Variants in DNM1L observed in about 807,000 individuals in gnomAD.
DNM1L encodes the protein dynamin 1L, also known as dynamin-1-like protein.
Under a neutral mutation model 92.8 loss-of-function variants are expected in DNM1L, and 33 were observed. The ratio of observed to expected loss-of-function variants is 0.36; its 90% confidence interval spans 0.27 to 0.48. The LOEUF is 0.48. DNM1L is among the 20% of genes least tolerant of loss of function. DNM1L has a pLI of 0.99. For missense variants in DNM1L, 485 were observed against 888.8 expected (o/e 0.55, Z 5.78); for synonymous variants, 284 against 305.0 (o/e 0.93, Z 0.72).
At chr12:32,696,400 A>T (rs945711189) in intron 1 of DNM1L, among the ~76,000 whole-genome samples, 5 of 150,628 alleles carry the variant, frequency 3.3e-5, no homozygotes, top group African/African-American at 7.3e-5. Context: ...ACACACACAC[A>T]CACACACACA....
intron 1 of DNM1L, among the ~76,000 whole-genome samples, chr12:32,693,581 A>C (rs1952314358): frequency 6.8e-6 from 1 of 147,844 alleles, no homozygotes. Flanking sequence ...ACAATGTGTA[A>C]TTCAGTGTTT....
chr12:32,697,821 T>C (rs1952530975), intron 1 of DNM1L, among the ~76,000 whole-genome samples: 1 of 151,858 alleles, frequency 6.6e-6, no homozygotes, highest in African/African-American at 2.4e-5. Context: ...AAAAATCAAT[T>C]ACAAAGCAAA....
At chr12:32,724,593 A>AATATATATATATATAT (rs869170631) in intron 9 of DNM1L, among the ~76,000 whole-genome samples, 1 of 66,692 alleles carries the variant, frequency 1.5e-5, no homozygotes, top group East Asian at 4.2e-4. Context: ...AAAAAAAAAA[A>AATATATATATATATAT]ATATATATAT....
At chr12:32,711,159 C>CT in intron 5 of DNM1L, 144 bp downstream of exon 5, 1 of 722,308 alleles carries the variant, frequency 1.4e-6, no homozygotes, top group Non-Finnish European at 2.4e-6. Flanking sequence ...CCTTGAAACA[C>CT]TTTCTTTACT....
rs911694261 is a variant in DNM1L, at chr12:32,744,722, A to AAAAT, written c.*1316_*1319dup. The AAAAT allele has an allele frequency of 1.4e-5, 5 of 366,646 alleles. No individual in the cohort carries two copies. Among genetic ancestry groups the AAAAT allele is most frequent in the Middle Eastern group, 3.7e-4 (1 of 2,684 alleles). 22.7% of individuals were successfully genotyped at this position (366,646 alleles called of 1,614,324 possible). Reference sequence around the variant, plus strand: ...GAGCGAAACTCCGTCTCAAAAAAAAAAAATAAAACAACACCCAGATAGATA... The same window carrying AAAAT: ...GAGCGAAACTCCGTCTCAAAAAAAAAAAATAAATAAAACAACACCCAGATAGATA... On this transcript the variant is annotated 3_prime_UTR_variant, in exon 20 of 20. Transcript: ENST00000549701.
At chr12:32,694,106 T>TG (rs1260700026) in intron 1 of DNM1L, among the ~76,000 whole-genome samples, 1 of 150,544 alleles carries the variant, frequency 6.6e-6, no homozygotes, top group Non-Finnish European at 1.5e-5. Flanking sequence ...TTTTTTGAGA[T>TG]GGAGTCTCGC....
At chr12:32,703,045 TTCTC>T (rs530683691) in intron 2 of DNM1L, among the ~76,000 whole-genome samples, 1,703 of 111,652 alleles carry the variant, frequency 0.015, 79 homozygotes, top group Admixed American at 0.11. Context: ...TATTAGGTCT[TTCTC>T]TCTCTCTCTT....
rs756728956 is a variant in DNM1L at position 32,744,814 on chromosome 12, T to A, written c.*1404T>A. 4 of 469,814 alleles carry A rather than the reference T, an allele frequency of 8.5e-6. No homozygotes were observed. Among genetic ancestry groups the A allele is most frequent in the East Asian group, 6.2e-5 (1 of 16,176 alleles). The allele number at this position is 469,814 out of a possible 1,614,324, so 29.1% of individuals were successfully genotyped here. A position where few individuals can be genotyped will look rare whatever the true frequency, so the allele number is the denominator to read the frequency against. ...GGGTAGTGATGAGGTTTAGAACATA[T>A]ACATATTTTGTTAAAATTCCCCAGA... On this transcript the variant is annotated 3_prime_UTR_variant, in exon 20 of 20. Transcript: ENST00000549701.
At position 32,713,279 on chromosome 12, in the gene DNM1L, A is replaced by T. The variant is rs200474114; in HGVS notation, c.527A>T (p.Asn176Ile). 6.2e-7 allele frequency: 1 copy of T among 1,613,960 alleles called. No homozygotes were observed. Among genetic ancestry groups the T allele is most frequent in the Admixed American group, 1.7e-5 (1 of 60,010 alleles). The change falls in exon 6 of 20, where the codon AAT becomes ATT. Residue 176 changes from asparagine (N) to isoleucine (I), a missense_variant. By Grantham distance (149) the Asn-to-Ile change is moderately radical (BLOSUM62 -3). Coordinates refer to ENST00000549701, the MANE Select transcript of DNM1L (RefSeq NM_012062.5). ...IRELILRFIS[N>I]PNSIILAVTA... ...GAGCTCATTCTTCGGTTCATCAGTA[A>T]TCCTAATTCCATTATCCTCGCTGTC... is the stretch of plus-strand genomic sequence containing the variant.
At position 32,745,217 on chromosome 12, in the gene DNM1L, T is replaced by G. The variant is rs1265464102; in HGVS notation, c.*1807T>G. ...CATCATTAAGCATCAGTTTCAAAATTATAGCCATTCATGATTTACTTTTTC... is the reference window on the plus strand; with the variant it reads ...CATCATTAAGCATCAGTTTCAAAATGATAGCCATTCATGATTTACTTTTTC... On this transcript the variant is annotated 3_prime_UTR_variant, in exon 20 of 20. Coordinates refer to ENST00000549701, the MANE Select transcript of DNM1L (RefSeq NM_012062.5). The G allele has an allele frequency of 5.3e-5, 12 of 224,902 alleles. No homozygotes were observed. Among genetic ancestry groups the G allele is most frequent in the Non-Finnish European group, 8.8e-6 (1 of 113,148 alleles). 13.9% of individuals were successfully genotyped at this position (224,902 alleles called of 1,614,324 possible). A position where few individuals can be genotyped will look rare whatever the true frequency, so the allele number is the denominator to read the frequency against.
At chr12:32,681,571 C>G (rs900729266) in intron 1 of DNM1L, among the ~76,000 whole-genome samples, 1 of 144,438 alleles carries the variant, frequency 6.9e-6, no homozygotes, top group East Asian at 2.1e-4. Context: ...CACCGCCCCC[C>G]CCGCCCCTAT....
chr12:32,704,515 A>G (rs1952843508), intron 2 of DNM1L, among the ~76,000 whole-genome samples: 1 of 150,056 alleles, frequency 6.7e-6, no homozygotes, highest in African/African-American at 2.5e-5. Flanking sequence ...GAGCCATTGC[A>G]CTCCAGCCTG....
At chr12:32,708,769 A>G (rs1953018706) in intron 4 of DNM1L, among the ~76,000 whole-genome samples, 1 of 152,032 alleles carries the variant, frequency 6.6e-6, no homozygotes, top group African/African-American at 2.4e-5. Flanking sequence ...ATGTGAAGTA[A>G]GTTATGTATC....
At chr12:32,728,425 C>T (rs1954301053) in intron 9 of DNM1L, 2 of 152,134 alleles carry the variant, frequency 1.3e-5, no homozygotes, top group African/African-American at 4.8e-5. Context: ...GATTAGGCTG[C>T]AAAAGTATAA....
chr12:32,733,720 T>C lies in DNM1L; in HGVS notation c.1452T>C (p.His484=), dbSNP rs1345420824. 1 of 1,613,766 alleles carries C rather than the reference T, an allele frequency of 6.2e-7. No individual in the cohort carries two copies. The highest frequency in any genetic ancestry group is 1.3e-5 in the African/African-American group (1 of 74,924). ...KRLPVTNEMV[H]NLVAIELAYI... is the part of the protein sequence containing the mutation. Reference sequence around the variant, plus strand: ...CTAACTTACTTTTTTTCTAGGTCCATAACTTAGTGGCAATTGAACTGGCTT... The same window carrying C: ...CTAACTTACTTTTTTTCTAGGTCCACAACTTAGTGGCAATTGAACTGGCTT... The change falls in exon 13 of 20, where the codon CAT becomes CAC. Residue 484 remains histidine (H), a synonymous_variant. Transcript: ENST00000549701.
In DNM1L at chr12:32,698,379, G is replaced by T. The variant is rs141018851; in HGVS notation, c.103-3036G>T. Among the ~76,000 whole-genome samples, 106 of 152,276 alleles carry T rather than the reference G, an allele frequency of 7.0e-4. 1 individual carries two copies. The East Asian group carries it at 0.02, about 29-fold the overall frequency. On this transcript the variant is annotated intron_variant, in intron 1 of 19. Coordinates refer to ENST00000549701, the MANE Select transcript of DNM1L (RefSeq NM_012062.5). ...TACATTCTGTATGTAGGAGCCTTGG[G>T]CTGGCTGGCTGTGTCACTCTTAGTC...
intron 1 of DNM1L, among the ~76,000 whole-genome samples, chr12:32,683,257 T>G (rs958900983): frequency 6.6e-6 from 1 of 152,228 alleles, no homozygotes; most frequent in Admixed American, 6.5e-5. Flanking sequence ...AGGGTCTGGC[T>G]CTTTCACCCA....
At chr12:32,719,911 T>G (rs1215475142) in intron 7 of DNM1L, among the ~76,000 whole-genome samples, 1 of 152,214 alleles carries the variant, frequency 6.6e-6, no homozygotes, top group African/African-American at 2.4e-5. Context: ...TGAATATCTC[T>G]TTTAGTCCAA....
intron 14 of DNM1L, chr12:32,737,534 C>G (rs1174632763): frequency 2.6e-6 from 1 of 388,596 alleles, no homozygotes; most frequent in Non-Finnish European, 4.7e-6. Context: ...GTTTTAATTA[C>G]TAGTAATAAT....
Sources: gnomAD v4.1 joint callset for allele counts (sites outside exome capture counted in the v4.1 genomes callset) on GRCh38, gnomAD v4.1.1 for gene constraint, MANE v1.5 for transcripts, NCBI Gene and HGNC (gene_info 2026-07-23, HGNC 2026-07-21) for gene names.